The following UPK1A variants were observed in gnomAD, a reference collection of about 807,000 sequenced individuals.
The protein encoded by UPK1A is uroplakin-1a.
A neutral mutation model predicts 32.3 loss-of-function variants in UPK1A; 31 were observed. That is an observed-to-expected ratio of 0.96 (90% confidence interval 0.72 to 1.30). UPK1A has a LOEUF of 1.30. Ranked by LOEUF, UPK1A falls within the 50% of genes most tolerant of loss-of-function variation. The pLI, the probability that UPK1A is intolerant of heterozygous loss-of-function variation, is 0.00. For missense variants in UPK1A, 340 were observed against 357.4 expected (o/e 0.95, Z 0.39); for synonymous variants, 135 against 137.1 (o/e 0.98, Z 0.11).
rs780429103 is a variant in UPK1A, at chr19:35,673,488, C to G, written c.411C>G (p.Ser137Arg). 1.2e-6 allele frequency: 2 copies of G among 1,613,344 alleles called. No homozygotes were observed. The highest frequency in any genetic ancestry group is 2.7e-5 in the African/African-American group (2 of 74,894). Residue 137 changes from serine (S) to arginine (R), a missense_variant, in exon 5 of 8, where the codon AGC becomes AGG. By Grantham distance (110) the Ser-to-Arg change is moderately radical (BLOSUM62 -1). Coordinates refer to ENST00000617999, the Ensembl canonical transcript of UPK1A. ...CCAAGCAGATGCTGACCTTCTACAG[C>G]GCGGACACCGACCAGGGCCAGGAGC...
At chr19:35,673,155 TC>T in intron 3 of UPK1A, 76 bp from the exon 4 acceptor site, 1 of 1,487,986 alleles carries the variant, frequency 6.7e-7, no homozygotes, top group Non-Finnish European at 9.3e-7. Context: ...AACTTGCATT[TC>T]CCCAGTGATG....
chr19:35,668,601 G>T lies in UPK1A; in HGVS notation c.232G>T (p.Ala78Ser), dbSNP rs767440654. Residue 78 changes from alanine to serine, a missense_variant, in exon 3 of 8, where the codon GCC becomes TCC. Physicochemically the swap from Ala to Ser is moderately conservative, Grantham distance 99. Transcript: ENST00000617999. ...CTGCGGCTTCTCCTTCTTCATGGTA[G>T]CCAGTTTTGGTGTGGGTGCCGCACT... The T allele has an allele frequency of 1.2e-5, 19 of 1,613,928 alleles. No homozygotes were observed. The South Asian group carries it at 2.1e-4, about 18-fold the overall frequency.
intron 3 of UPK1A, among the ~76,000 whole-genome samples, chr19:35,670,555 CCTCCT>C (rs1480434474): frequency 1.9e-4 from 16 of 84,490 alleles, no homozygotes; most frequent in African/African-American, 7.5e-4. Context: ...CCTCCCCTCC[CCTCCT>C]CTCCCCTCCC....
intron 3 of UPK1A, among the ~76,000 whole-genome samples, chr19:35,669,131 A>T (rs1469120067): frequency 1.3e-5 from 2 of 152,162 alleles, no homozygotes; most frequent in Admixed American, 6.6e-5. Context: ...TAGTTCATTT[A>T]TTCCTCATAG....
At position 35,675,904 on chromosome 19, in the gene UPK1A, C is replaced by A. The variant is rs1247988635; in HGVS notation, c.533C>A (p.Ala178Asp). The change falls in exon 6 of 8, where the codon GCC becomes GAC. Residue 178 changes from alanine to aspartate, a missense_variant. Transcript: ENST00000617999. Reference sequence around the variant, plus strand: ...AACTTCACGTCAGCCTTCCGGGCGGCCACTCCGGAGGTGGTGTTCCCCTGG... The same window carrying A: ...AACTTCACGTCAGCCTTCCGGGCGGACACTCCGGAGGTGGTGTTCCCCTGG... The A allele has an allele frequency of 3.7e-6, 6 of 1,613,934 alleles. No homozygotes were observed. Among genetic ancestry groups the A allele is most frequent in the Non-Finnish European group, 4.2e-6 (5 of 1,179,970 alleles).
intron 1 of UPK1A, 90 bp from the exon 2 acceptor site, chr19:35,666,719 G>A: frequency 7.5e-7 from 1 of 1,328,918 alleles, no homozygotes; most frequent in Non-Finnish European, 1.1e-6. Flanking sequence ...GAGAGCTGGA[G>A]CAACCCCTCG....
chr19:35,668,446 C>T lies in UPK1A; in HGVS notation c.85-8C>T. ...GAGCAGACCTTCCTAACCCACCGCT[C>T]TGTCCAGCTGTCAGGCCTGTCCCTG... On this transcript the variant is annotated splice_polypyrimidine_tract_variant and splice_region_variant and intron_variant, in intron 2 of 7. Coordinates refer to ENST00000617999, the Ensembl canonical transcript of UPK1A. 1 of 1,614,080 alleles carries T rather than the reference C, an allele frequency of 6.2e-7. No individual in the cohort carries two copies. Among genetic ancestry groups the T allele is most frequent in the Non-Finnish European group, 8.5e-7 (1 of 1,180,048 alleles).
intron 3 of UPK1A, among the ~76,000 whole-genome samples, chr19:35,672,768 C>T (rs546850305): frequency 5.9e-5 from 9 of 152,222 alleles, no homozygotes; most frequent in Middle Eastern, 3.4e-3. Flanking sequence ...TTTGTAGCGA[C>T]GGGGTCTCAC....
chr19:35,672,165 G>A (rs550840224), intron 3 of UPK1A, among the ~76,000 whole-genome samples: 8 of 152,178 alleles, frequency 5.3e-5, no homozygotes, highest in South Asian at 2.1e-4. Flanking sequence ...CCTCTGTGCC[G>A]TTGGCACAAC....
Position 35,677,905 on chromosome 19 carries a change from G to A in UPK1A, c.732+10G>A, listed in dbSNP as rs537339564. ...CATCCTGATGTGGACGGTGAGAGGC[G>A]GGGAGCCCACAGGCTGGGTGGGCTG... On this transcript the variant is annotated intron_variant, in intron 7 of 7. Coordinates refer to ENST00000617999, the Ensembl canonical transcript of UPK1A. 8.7e-6 allele frequency: 14 copies of A among 1,610,412 alleles called. No homozygotes were observed. The highest frequency in any genetic ancestry group is 4.5e-4 in the Middle Eastern group (2 of 4,480).
intron 3 of UPK1A, among the ~76,000 whole-genome samples, chr19:35,669,805 C>G (rs1968058393): frequency 6.6e-6 from 1 of 152,190 alleles, no homozygotes; most frequent in Admixed American, 6.6e-5. Context: ...ACCAGGAGAG[C>G]AGGGATTCCA....
At chr19:35,678,028 A>G (rs780375583) in exon 8 of UPK1A, 3 of 1,574,264 alleles carry the variant, frequency 1.9e-6, no homozygotes, top group South Asian at 2.4e-5. Flanking sequence ...GAGGGACAGG[A>G]GGGGAAGGCA....
chr19:35,668,381 C>A, intron 2 of UPK1A, 73 bp from the exon 3 acceptor site: 1 of 1,583,954 alleles, frequency 6.3e-7, no homozygotes, highest in Non-Finnish European at 8.6e-7. Flanking sequence ...GGGGAGGGAA[C>A]TTGCTCGTGG....
chr19:35,666,631 C>T (rs192083365), intron 1 of UPK1A, 93 bp downstream of exon 1: 14 of 606,190 alleles, frequency 2.3e-5, no homozygotes, highest in East Asian at 2.3e-4. Flanking sequence ...ACTGCCCCAC[C>T]GGAGCCCGGG....
At chr19:35,675,974 C>T (rs767759607) in exon 6 of UPK1A, 25 of 1,613,744 alleles carry the variant, frequency 1.5e-5, no homozygotes, top group Middle Eastern at 3.3e-4. Flanking sequence ...TCCCCCTCAA[C>T]GAGGAGGGCT....
intron 5 of UPK1A, among the ~76,000 whole-genome samples, chr19:35,674,060 G>A (rs1407609797): frequency 1.3e-5 from 2 of 151,210 alleles, no homozygotes; most frequent in Non-Finnish European, 2.9e-5. Flanking sequence ...ACCACACCCG[G>A]CTAAGTTTTT....
exon 8 of UPK1A, chr19:35,678,162 T>C (rs1968212634): frequency 9.2e-7 from 1 of 1,091,944 alleles, no homozygotes; most frequent in Non-Finnish European, 1.3e-6. Flanking sequence ...AAGATCTTTT[T>C]CCAGGTTCCT....
At chr19:35,666,639 G>A (rs932185212) in intron 1 of UPK1A, 101 bp downstream of exon 1, 15 of 623,482 alleles carry the variant, frequency 2.4e-5, no homozygotes, top group South Asian at 9.7e-5. Context: ...ACCGGAGCCC[G>A]GGTGTCCTCT....
intron 2 of UPK1A, 22 bp downstream of exon 2, chr19:35,666,918 G>A: frequency 4.3e-6 from 7 of 1,613,352 alleles, no homozygotes; most frequent in Non-Finnish European, 5.9e-6. Context: ...CCCAGTGCTG[G>A]GAGCCGAGTG....
Sources: allele counts gnomAD v4.1 joint callset (sites outside exome capture counted in the v4.1 genomes callset), GRCh38; gene constraint gnomAD v4.1.1; transcripts MANE v1.5; gene names NCBI Gene and HGNC (gene_info 2026-07-23, HGNC 2026-07-21).